TSPAN9: variants seen among roughly 807,000 people sequenced by gnomAD.
TSPAN9 encodes the protein tetraspanin 9, also known as tetraspanin-9.
In TSPAN9, 16 loss-of-function variants were observed where a neutral mutation model predicts 31.0. The ratio of observed to expected loss-of-function variants is 0.52; its 90% CI spans 0.35 to 0.78. The LOEUF is 0.78. TSPAN9 is among the 30% of genes least tolerant of loss of function. The probability of loss-of-function intolerance (pLI) is 0.01; values close to 1 mark genes in which losing one functional copy is unlikely to be tolerated. For synonymous variants in TSPAN9, 145 were observed against 121.6 expected, an observed-to-expected ratio of 1.19 and a Z score of -1.27; for missense variants, 272 against 312.5, an observed-to-expected ratio of 0.87 and a Z score of 0.98.
At position 3,285,614 on chromosome 12, in the gene TSPAN9, C is replaced by T. The variant is rs1863000329; in HGVS notation, c.*2498C>T. On this transcript the variant is annotated 3_prime_UTR_variant, in exon 9 of 9. Transcript: ENST00000011898. ...AGCCCCTTCCACTCAGAGGGCCACA[C>T]CCAGCGATGCCAGTGAAGGTGGCAC... The T allele has an allele frequency of 6.6e-6, 1 of 152,228 alleles. No individual in the cohort carries two copies. Among genetic ancestry groups the T allele is most frequent in the African/African-American group, 2.4e-5 (1 of 41,448 alleles). The allele number at this position is 152,228 out of a possible 1,614,324, so 9.4% of individuals were successfully genotyped here. A position where few individuals can be genotyped will look rare whatever the true frequency, so the allele number is the denominator to read the frequency against.
In TSPAN9 at chr12:3,283,388, G is replaced by C; in HGVS notation, c.*272G>C. The C allele has an allele frequency of 4.8e-6, 2 of 412,384 alleles. No homozygotes were observed. The highest frequency in any genetic ancestry group is 8.7e-6 in the Non-Finnish European group (2 of 231,028). 25.5% of individuals were successfully genotyped at this position (412,384 alleles called of 1,614,324 possible). A position where few individuals can be genotyped will look rare whatever the true frequency, so the allele number is the denominator to read the frequency against. ...AAGACGACAGGGTGGGCTGGGGTGC[G>C]CTCCGGAGGAACCCCCGGCACTGAT... On this transcript the variant is annotated 3_prime_UTR_variant, in exon 9 of 9. Transcript: ENST00000011898.
chr12:3,109,307 A>AGAGAGAGAGAGTGTGTGTGT (rs560687812), intron 2 of TSPAN9, among the ~76,000 whole-genome samples: 2 of 143,208 alleles, frequency 1.4e-5, no homozygotes, highest in African/African-American at 5.6e-5. Flanking sequence ...TGTGAGAGAG[A>AGAGAGAGAGAGTGTGTGTGT]GTGTGTGTGT....
intron 2 of TSPAN9, among the ~76,000 whole-genome samples, chr12:3,138,485 A>G (rs937944552): frequency 6.7e-6 from 1 of 150,150 alleles, no homozygotes; most frequent in African/African-American, 2.5e-5. Context: ...TTTTTTTGAG[A>G]CAGGGCCTCG....
At chr12:3,085,018 G>T (rs998620074) in intron 2 of TSPAN9, among the ~76,000 whole-genome samples, 6 of 152,158 alleles carry the variant, frequency 3.9e-5, no homozygotes, top group African/African-American at 1.2e-4. Flanking sequence ...TTGAGGCACC[G>T]CGTATCACTG....
intron 3 of TSPAN9, among the ~76,000 whole-genome samples, chr12:3,207,178 G>A (rs1013634227): frequency 1.3e-5 from 2 of 152,072 alleles, no homozygotes. Context: ...CCTAGGACAG[G>A]GTTGTTTTGT....
At chr12:3,155,949 A>G (rs974124102) in intron 2 of TSPAN9, among the ~76,000 whole-genome samples, 6 of 152,208 alleles carry the variant, frequency 3.9e-5, no homozygotes, top group African/African-American at 1.4e-4. Context: ...ACGTTGCTCC[A>G]TGGTTTTCCC....
chr12:3,235,129 G>A (rs1460407318), intron 3 of TSPAN9, among the ~76,000 whole-genome samples: 6 of 73,692 alleles, frequency 8.1e-5, no homozygotes, highest in Non-Finnish European at 1.9e-4. Context: ...CTTGCAGTGA[G>A]CAGAGCTTGC....
At chr12:3,181,950 G>A (rs551861109) in intron 2 of TSPAN9, among the ~76,000 whole-genome samples, 2 of 152,314 alleles carry the variant, frequency 1.3e-5, no homozygotes, top group East Asian at 1.9e-4. Context: ...CAGTCAGTGT[G>A]TGGACATGCA....
At chr12:3,158,514 G>C (rs2098343426) in intron 2 of TSPAN9, among the ~76,000 whole-genome samples, 1 of 152,108 alleles carries the variant, frequency 6.6e-6, no homozygotes, top group Non-Finnish European at 1.5e-5. Flanking sequence ...ACGAGGTCAG[G>C]AGTTCGAGAC....
At chr12:3,135,502 C>T (rs950866917) in intron 2 of TSPAN9, among the ~76,000 whole-genome samples, 12 of 152,172 alleles carry the variant, frequency 7.9e-5, no homozygotes, top group Admixed American at 3.9e-4. Context: ...CTCCTTCTTA[C>T]ACCCTCTGCT....
At chr12:3,089,250 G>T (rs1248627567) in intron 2 of TSPAN9, among the ~76,000 whole-genome samples, 1 of 144,142 alleles carries the variant, frequency 6.9e-6, no homozygotes, top group Non-Finnish European at 1.5e-5. Flanking sequence ...AAAAAAAAAA[G>T]AAAAGGGACA....
At chr12:3,267,861 C>T (rs1426998363) in intron 3 of TSPAN9, among the ~76,000 whole-genome samples, 4 of 152,190 alleles carry the variant, frequency 2.6e-5, no homozygotes, top group African/African-American at 9.6e-5. Context: ...AGCCACCTGA[C>T]CATCCCCCAC....
At chr12:3,128,842 T>A (rs11062519) in intron 2 of TSPAN9, among the ~76,000 whole-genome samples, 16 of 152,062 alleles carry the variant, frequency 1.1e-4, no homozygotes, top group Admixed American at 1.0e-3. Flanking sequence ...TACATTATTG[T>A]GCAATCATCA....
chr12:3,274,100 G>C (rs1265182633), intron 3 of TSPAN9, among the ~76,000 whole-genome samples: 2 of 152,208 alleles, frequency 1.3e-5, no homozygotes, highest in Non-Finnish European at 2.9e-5. Context: ...TCTTGACTGT[G>C]TGGACTGTCC....
chr12:3,098,809 G>C (rs1192742972), intron 2 of TSPAN9, among the ~76,000 whole-genome samples: 2 of 150,140 alleles, frequency 1.3e-5, no homozygotes, highest in African/African-American at 4.9e-5. Context: ...GGAGTGCAGT[G>C]GAGTGATCCC....
At chr12:3,160,970 C>T (rs768169034) in intron 2 of TSPAN9, among the ~76,000 whole-genome samples, 11 of 152,116 alleles carry the variant, frequency 7.2e-5, no homozygotes, top group Non-Finnish European at 1.5e-4. Flanking sequence ...CCTATAATCC[C>T]AGCACTTTGG....
At chr12:3,133,259 G>A (rs2098330626) in intron 2 of TSPAN9, among the ~76,000 whole-genome samples, 1 of 152,146 alleles carries the variant, frequency 6.6e-6, no homozygotes, top group Admixed American at 6.5e-5. Context: ...TCCCACTTCA[G>A]GGCTCTGTCC....
At chr12:3,226,108 G>T (rs1217424632) in intron 3 of TSPAN9, among the ~76,000 whole-genome samples, 1 of 152,096 alleles carries the variant, frequency 6.6e-6, no homozygotes, top group Non-Finnish European at 1.5e-5. Flanking sequence ...GAGACTGGGG[G>T]AAAGGAGGGG....
chr12:3,181,213 G>A (rs2098358430), intron 2 of TSPAN9, among the ~76,000 whole-genome samples: 1 of 152,020 alleles, frequency 6.6e-6, no homozygotes, highest in Admixed American at 6.5e-5. Context: ...GAATCATGAT[G>A]GGGATGATAA....
Sources: allele counts gnomAD v4.1 joint callset (sites outside exome capture counted in the v4.1 genomes callset), GRCh38; gene constraint gnomAD v4.1.1; transcripts MANE v1.5; gene names NCBI Gene and HGNC (gene_info 2026-07-23, HGNC 2026-07-21).